Variants in SCAMP1 observed in about 807,000 individuals in gnomAD.
SCAMP1 encodes secretory carrier-associated membrane protein 1.
A neutral mutation model predicts 41.8 loss-of-function variants in SCAMP1; 15 were observed. The observed-to-expected ratio is 0.36, with a 90% CI of 0.24 to 0.55. SCAMP1 has a LOEUF of 0.55. SCAMP1 is among the 20% of genes least tolerant of loss of function. The probability of loss-of-function intolerance (pLI) is 0.86; values close to 1 mark genes in which losing one functional copy is unlikely to be tolerated. For missense variants in SCAMP1, 341 were observed against 412.6 expected, an observed-to-expected ratio of 0.83 and a Z score of 1.50; for synonymous variants, 135 against 136.8, an observed-to-expected ratio of 0.99 and a Z score of 0.09.
At chr5:78,422,227 A>G (rs1752354951) in intron 6 of SCAMP1, among the ~76,000 whole-genome samples, 1 of 152,140 alleles carries the variant, frequency 6.6e-6, no homozygotes, top group Non-Finnish European at 1.5e-5. Flanking sequence ...TAATATTTAT[A>G]AAATATTCTC....
intron 1 of SCAMP1, among the ~76,000 whole-genome samples, chr5:78,365,289 A>G (rs1750765732): frequency 6.6e-6 from 1 of 151,886 alleles, no homozygotes; most frequent in Non-Finnish European, 1.5e-5. Flanking sequence ...CCTGGCCAAC[A>G]TGGTGAAACC....
rs540262288 is a variant in SCAMP1, at chr5:78,458,400, A to G, written c.735-845A>G. Among the ~76,000 whole-genome samples the G allele has an allele frequency of 2.6e-5, 4 of 152,004 alleles. No individual in the cohort carries two copies. In the South Asian group the frequency reaches 8.3e-4, roughly 31 times the overall value. Reference sequence around the variant, plus strand: ...TCATTGTGGTTTTGAACATCTTTTCATGTGCTTATTTGTCGTCTTTATGTC... The same window carrying G: ...TCATTGTGGTTTTGAACATCTTTTCGTGTGCTTATTTGTCGTCTTTATGTC... On this transcript the variant is annotated intron_variant, in intron 7 of 8. Coordinates refer to ENST00000621999, the MANE Select transcript of SCAMP1 (RefSeq NM_004866.6).
chr5:78,466,504 A>C (rs148207383), intron 8 of SCAMP1, among the ~76,000 whole-genome samples: 1 of 152,342 alleles, frequency 6.6e-6, no homozygotes, highest in East Asian at 1.9e-4. Context: ...CCACGTTCAC[A>C]TCTAGTTGTA....
intron 1 of SCAMP1, among the ~76,000 whole-genome samples, chr5:78,386,494 T>C (rs533727594): frequency 1.3e-5 from 2 of 152,308 alleles, no homozygotes; most frequent in East Asian, 1.9e-4. Flanking sequence ...TTCATTGTGC[T>C]ATTTGTTGCC....
chr5:78,397,843 G>GA (rs1751690245), intron 2 of SCAMP1, among the ~76,000 whole-genome samples: 1 of 152,092 alleles, frequency 6.6e-6, no homozygotes, highest in South Asian at 2.1e-4. Flanking sequence ...ATAAGCAGGT[G>GA]AAAAAATGTT....
chr5:78,430,560 T>C (rs1283620828), intron 6 of SCAMP1, among the ~76,000 whole-genome samples: 2 of 151,952 alleles, frequency 1.3e-5, no homozygotes, highest in Non-Finnish European at 2.9e-5. Flanking sequence ...TAATATTCTT[T>C]ATATAACTAC....
Position 78,480,413 on chromosome 5 carries a change from T to C in SCAMP1, c.*4745T>C, listed in dbSNP as rs1217948351. On this transcript the variant is annotated 3_prime_UTR_variant, in exon 9 of 9. Coordinates refer to ENST00000621999, the MANE Select transcript of SCAMP1 (RefSeq NM_004866.6). The stretch of plus-strand genomic sequence containing the variant: ...TTCAGTGCTTACTTAAATGTAATTC[T>C]AGAATTCCTCCACAACTTTTAATAT... Among the ~76,000 whole-genome samples the C allele has an allele frequency of 1.3e-5, 2 of 152,254 alleles. No individual in the cohort carries two copies. Among genetic ancestry groups the C allele is most frequent in the Admixed American group, 6.5e-5 (1 of 15,286 alleles).
chr5:78,444,044 A>C (rs1228054679), intron 6 of SCAMP1, among the ~76,000 whole-genome samples: 2 of 151,914 alleles, frequency 1.3e-5, no homozygotes, highest in Non-Finnish European at 2.9e-5. Flanking sequence ...TTTTTTTTGC[A>C]CTGTTGTGGT....
rs532850959 is a variant in SCAMP1 at position 78,469,749 on chromosome 5, CTG to C, written c.853-5752_853-5751del. ...ACCCATTTAAAATATACGGTTTAGA[CTG>C]TGCATGGTGGTTCACACCTGTAATT... On this transcript the variant is annotated intron_variant, in intron 8 of 8. Coordinates refer to ENST00000621999, the MANE Select transcript of SCAMP1 (RefSeq NM_004866.6). Among the ~76,000 whole-genome samples, 165 of 151,820 alleles carry C rather than the reference CTG, an allele frequency of 1.1e-3. 1 individual carries two copies. Among genetic ancestry groups the C allele is most frequent in the African/African-American group, 3.9e-3 (160 of 41,404 alleles).
intron 7 of SCAMP1, among the ~76,000 whole-genome samples, chr5:78,452,901 C>A (rs967946842): frequency 6.7e-6 from 1 of 150,254 alleles, no homozygotes; most frequent in African/African-American, 2.5e-5. Flanking sequence ...GAGATGATAT[C>A]TCATTGTGGT....
rs920738422 is a variant in SCAMP1, at chr5:78,476,156, G to C, written c.*488G>C. ...TGCTTTTTAGCTGTTTCAGTCACCA[G>C]TGAAGAGCCTATGTGCATTTTGTAG... is the stretch of plus-strand genomic sequence containing the variant. On this transcript the variant is annotated 3_prime_UTR_variant, in exon 9 of 9. Coordinates refer to ENST00000621999, the MANE Select transcript of SCAMP1 (RefSeq NM_004866.6). The C allele has an allele frequency of 6.6e-6, 1 of 152,578 alleles. No individual in the cohort carries two copies. The highest frequency in any genetic ancestry group is 1.9e-4 in the East Asian group (1 of 5,204). 9.5% of individuals were successfully genotyped at this position (152,578 alleles called of 1,614,324 possible). A position where few individuals can be genotyped will look rare whatever the true frequency, so the allele number is the denominator to read the frequency against.
At chr5:78,413,413 G>A (rs917464387) in intron 2 of SCAMP1, among the ~76,000 whole-genome samples, 1 of 129,812 alleles carries the variant, frequency 7.7e-6, no homozygotes, top group Non-Finnish European at 1.6e-5. Context: ...CCTGTTTTTA[G>A]TTCCTGCCTT....
intron 1 of SCAMP1, among the ~76,000 whole-genome samples, chr5:78,377,894 G>A (rs1166195586): frequency 2.0e-5 from 3 of 152,122 alleles, no homozygotes; most frequent in Non-Finnish European, 4.4e-5. Context: ...AGTGAAATAC[G>A]AAGTGACTTG....
intron 8 of SCAMP1, among the ~76,000 whole-genome samples, chr5:78,472,441 G>A (rs1056905443): frequency 6.6e-6 from 1 of 151,492 alleles, no homozygotes; most frequent in African/African-American, 2.4e-5. Context: ...AGTACTTGGT[G>A]TCAAAACCTT....
At chr5:78,384,565 C>T (rs375108006) in intron 1 of SCAMP1, among the ~76,000 whole-genome samples, 16 of 152,150 alleles carry the variant, frequency 1.1e-4, no homozygotes, top group Admixed American at 2.6e-4. Context: ...AAGTTTTCCC[C>T]GTTCAGTGTA....
chr5:78,438,284 T>C (rs141577785), intron 6 of SCAMP1, among the ~76,000 whole-genome samples: 2,324 of 152,326 alleles, frequency 0.015, 56 homozygotes, highest in African/African-American at 0.053. Context: ...CTTGCTTCTC[T>C]AGTTCTTTTA....
chr5:78,374,031 A>C (rs1488497232), intron 1 of SCAMP1, among the ~76,000 whole-genome samples: 1 of 152,120 alleles, frequency 6.6e-6, no homozygotes, highest in African/African-American at 2.4e-5. Context: ...ATCATTGAAG[A>C]TGGAGTAAGA....
At chr5:78,403,072 T>C (rs1751838970) in intron 2 of SCAMP1, among the ~76,000 whole-genome samples, 1 of 152,198 alleles carries the variant, frequency 6.6e-6, no homozygotes, top group East Asian at 1.9e-4. Context: ...GGTTTCACCA[T>C]GTTGGCCATG....
At chr5:78,432,539 C>T (rs746177811) in intron 6 of SCAMP1, among the ~76,000 whole-genome samples, 1 of 152,092 alleles carries the variant, frequency 6.6e-6, no homozygotes, top group Non-Finnish European at 1.5e-5. Context: ...TTCATCCGTT[C>T]TGGCTTGCAA....
Sources: gnomAD v4.1 joint callset for allele counts (sites outside exome capture counted in the v4.1 genomes callset) on GRCh38, gnomAD v4.1.1 for gene constraint, MANE v1.5 for transcripts, NCBI Gene and HGNC (gene_info 2026-07-23, HGNC 2026-07-21) for gene names.